Variants in IMMP2L observed in about 807,000 individuals in gnomAD.
IMMP2L encodes inner mitochondrial membrane peptidase subunit 2.
IMMP2L carries 18 observed loss-of-function variants against 19.3 expected under a neutral mutation model. The ratio of observed to expected loss-of-function variants is 0.93; its 90% CI spans 0.64 to 1.38. IMMP2L has a LOEUF of 1.38. IMMP2L is among the 40% of genes most tolerant of loss of function. The pLI, the probability that IMMP2L is intolerant of heterozygous loss-of-function variation, is 0.00. For missense variants in IMMP2L, 233 were observed against 218.2 expected (o/e 1.07, Z -0.43); for synonymous variants, 76 against 73.0 (o/e 1.04, Z -0.21).
At chr7:111,083,897 T>G (rs1796089996) in intron 3 of IMMP2L, among the ~76,000 whole-genome samples, 1 of 152,232 alleles carries the variant, frequency 6.6e-6, no homozygotes, top group Non-Finnish European at 1.5e-5. Context: ...GGAAAATCAT[T>G]TCTATTTTCT....
intron 3 of IMMP2L, among the ~76,000 whole-genome samples, chr7:111,304,800 T>C (rs1822683852): frequency 6.6e-6 from 1 of 150,858 alleles, no homozygotes; most frequent in African/African-American, 2.4e-5. Flanking sequence ...CTTTAAAAAA[T>C]ATATAATTAG....
chr7:111,508,501 T>A (rs1305139478), intron 2 of IMMP2L, among the ~76,000 whole-genome samples: 2 of 152,050 alleles, frequency 1.3e-5, no homozygotes, highest in Non-Finnish European at 1.5e-5. Flanking sequence ...AGAGAGTCAG[T>A]AAAGTAGAAT....
rs996425262 is a variant in IMMP2L at position 111,419,118 on chromosome 7, A to G, written c.239+68120T>C. On this transcript the variant is annotated intron_variant, in intron 3 of 5. Transcript: ENST00000405709. ...AAAGCTTTAAATAAATTGCATTTAT[A>G]TAATTGCCTTACTTGCTGCTGCCTC... Among the ~76,000 whole-genome samples, 7 of 151,890 alleles carry G rather than the reference A, an allele frequency of 4.6e-5. No homozygotes were observed. The South Asian group carries it at 1.2e-3, about 27-fold the overall frequency.
At chr7:111,121,114 A>T (rs1242384435) in intron 3 of IMMP2L, among the ~76,000 whole-genome samples, 2 of 152,220 alleles carry the variant, frequency 1.3e-5, no homozygotes, top group Admixed American at 6.5e-5. Context: ...TAAATGTTTA[A>T]CCTTTTAACG....
At chr7:111,281,053 G>A (rs967008501) in intron 3 of IMMP2L, among the ~76,000 whole-genome samples, 2 of 150,616 alleles carry the variant, frequency 1.3e-5, no homozygotes, top group African/African-American at 4.9e-5. Context: ...CTGGGCAACA[G>A]AGCGAGACTC....
chr7:110,792,855 C>T (rs1328928452), intron 5 of IMMP2L, among the ~76,000 whole-genome samples: 3 of 152,034 alleles, frequency 2.0e-5, no homozygotes, highest in Non-Finnish European at 1.5e-5. Flanking sequence ...TCATCTCCCC[C>T]TCCCCCAGCC....
intron 5 of IMMP2L, among the ~76,000 whole-genome samples, chr7:110,680,516 G>A (rs111506274): frequency 0.02 from 2,972 of 152,184 alleles, 97 homozygotes; most frequent in African/African-American, 0.068. Flanking sequence ...GTCTAAACCC[G>A]AGAAAAACTG....
intron 2 of IMMP2L, among the ~76,000 whole-genome samples, chr7:111,518,024 G>T (rs1037631799): frequency 6.6e-6 from 1 of 151,976 alleles, no homozygotes; most frequent in African/African-American, 2.4e-5. Flanking sequence ...ATTTACCAAT[G>T]CATCATTAGA....
chr7:111,269,927 T>C (rs1411696691), intron 3 of IMMP2L, among the ~76,000 whole-genome samples: 1 of 152,112 alleles, frequency 6.6e-6, no homozygotes, highest in East Asian at 1.9e-4. Context: ...CCTCTTTCAA[T>C]ATTGGCTAAC....
chr7:110,707,015 T>TTTA (rs1794745085), intron 5 of IMMP2L, among the ~76,000 whole-genome samples: 1 of 140,688 alleles, frequency 7.1e-6, no homozygotes, highest in East Asian at 2.1e-4. Context: ...TTTTTTTTTT[T>TTTA]TTATTATACT....
At chr7:111,368,902 G>A (rs1830029846) in intron 3 of IMMP2L, among the ~76,000 whole-genome samples, 1 of 151,886 alleles carries the variant, frequency 6.6e-6, no homozygotes, top group South Asian at 2.1e-4. Flanking sequence ...CATCTGAAGT[G>A]TGAATTCATT....
intron 5 of IMMP2L, among the ~76,000 whole-genome samples, chr7:110,722,074 A>T (rs1033266999): frequency 1.3e-5 from 2 of 152,042 alleles, no homozygotes; most frequent in African/African-American, 4.8e-5. Flanking sequence ...GATGAATAGG[A>T]TGTCAATAGG....
chr7:111,149,893 T>C (rs1467677145), intron 3 of IMMP2L, among the ~76,000 whole-genome samples: 1 of 152,316 alleles, frequency 6.6e-6, no homozygotes, highest in East Asian at 1.9e-4. Context: ...ACTCATCAAA[T>C]TTTTATTTAA....
intron 3 of IMMP2L, among the ~76,000 whole-genome samples, chr7:111,397,562 GTT>G (rs1399905623): frequency 6.6e-6 from 1 of 152,098 alleles, no homozygotes; most frequent in East Asian, 1.9e-4. Context: ...TAAAAGTACA[GTT>G]TAAAGAAACC....
At chr7:110,848,605 C>G (rs963993781) in intron 5 of IMMP2L, among the ~76,000 whole-genome samples, 9 of 152,054 alleles carry the variant, frequency 5.9e-5, no homozygotes, top group African/African-American at 2.2e-4. Context: ...AATCTGCACA[C>G]GAATATTTAT....
chr7:111,173,832 A>G (rs560930498), intron 3 of IMMP2L, among the ~76,000 whole-genome samples: 12 of 151,856 alleles, frequency 7.9e-5, no homozygotes, highest in Admixed American at 2.0e-4. Context: ...AAAGAAGCTT[A>G]CCATCATTGT....
chr7:111,096,522 C>A lies in IMMP2L; in HGVS notation c.240-132957G>T, dbSNP rs202030029. ...TGAGTTAAATTTAAAAAAAAAAAAA[C>A]AAAACAAAACCCACAACCAACATCT... On this transcript the variant is annotated intron_variant, in intron 3 of 5. Coordinates refer to ENST00000405709, the MANE Select transcript of IMMP2L (RefSeq NM_032549.4). 5.9e-3 allele frequency among the ~76,000 whole-genome samples: 752 copies of A among 128,370 alleles called. 4 individuals carry two copies. The highest frequency in any genetic ancestry group is 0.018 in the African/African-American group (651 of 35,704). 84.2% of individuals were successfully genotyped at this position (128,370 alleles called of 152,430 possible). A position where few individuals can be genotyped will look rare whatever the true frequency, so the allele number is the denominator to read the frequency against.
chr7:110,858,681 C>G (rs977368692), intron 5 of IMMP2L, among the ~76,000 whole-genome samples: 4 of 151,808 alleles, frequency 2.6e-5, no homozygotes, highest in Non-Finnish European at 2.9e-5. Context: ...TATACATGTG[C>G]CATGCTGGTG....
intron 3 of IMMP2L, among the ~76,000 whole-genome samples, chr7:111,088,816 C>T (rs189123673): frequency 9.9e-5 from 15 of 152,168 alleles, no homozygotes; most frequent in East Asian, 1.9e-4. Context: ...AAGGACTGAA[C>T]GCCCTGATAA....
Sources: allele counts gnomAD v4.1 joint callset (sites outside exome capture counted in the v4.1 genomes callset), GRCh38; gene constraint gnomAD v4.1.1; transcripts MANE v1.5; gene names NCBI Gene and HGNC (gene_info 2026-07-23, HGNC 2026-07-21).